The following CWC27 variants were observed in gnomAD, a reference collection of about 807,000 sequenced individuals.
The protein encoded by CWC27 is spliceosome-associated protein CWC27 homolog.
Under a neutral mutation model 63.6 loss-of-function variants are expected in CWC27, and 47 were observed. That is an observed-to-expected ratio of 0.74 (90% CI 0.58 to 0.94). The LOEUF is 0.94. CWC27 is among the 40% of genes least tolerant of loss of function. The pLI is 0.00. For missense variants in CWC27, 495 were observed against 554.3 expected, an observed-to-expected ratio of 0.89 and a Z score of 1.07; for synonymous variants, 175 against 179.8, an observed-to-expected ratio of 0.97 and a Z score of 0.22.
intron 13 of CWC27, among the ~76,000 whole-genome samples, chr5:64,986,917 T>A (rs1233857553): frequency 2.0e-5 from 3 of 152,118 alleles, no homozygotes; most frequent in Non-Finnish European, 4.4e-5. Context: ...CTAAAAAAAA[T>A]CATTTTTTTC....
At chr5:64,830,289 C>T (rs140499190) in intron 10 of CWC27, among the ~76,000 whole-genome samples, 282 of 151,716 alleles carry the variant, frequency 1.9e-3, no homozygotes, top group Middle Eastern at 0.014. Context: ...TCTATCCTTG[C>T]GATAGTTTGA....
At chr5:64,896,022 AGAAT>A (rs1580710634) in intron 11 of CWC27, among the ~76,000 whole-genome samples, 2 of 152,354 alleles carry the variant, frequency 1.3e-5, no homozygotes, top group East Asian at 3.8e-4. Context: ...TCGATTTTAC[AGAAT>A]GAAGTCTCCC....
chr5:64,997,848 T>C (rs1749664615), intron 13 of CWC27, among the ~76,000 whole-genome samples: 1 of 152,162 alleles, frequency 6.6e-6, no homozygotes, highest in African/African-American at 2.4e-5. Context: ...AATGTAAATA[T>C]TTTTATTCCA....
intron 11 of CWC27, among the ~76,000 whole-genome samples, chr5:64,895,545 A>C (rs1453485373): frequency 1.3e-5 from 2 of 152,208 alleles, no homozygotes; most frequent in Non-Finnish European, 2.9e-5. Flanking sequence ...GTCCTCAAGG[A>C]AAGTATAAAA....
intron 7 of CWC27, among the ~76,000 whole-genome samples, chr5:64,791,853 A>AT (rs1242181974): frequency 6.6e-6 from 1 of 151,832 alleles, no homozygotes; most frequent in African/African-American, 2.4e-5. Context: ...TTCCATTGTG[A>AT]TTTTTCATAT....
chr5:64,918,807 C>G (rs1747939617), intron 11 of CWC27, among the ~76,000 whole-genome samples: 1 of 152,136 alleles, frequency 6.6e-6, no homozygotes, highest in Non-Finnish European at 1.5e-5. Context: ...TTGTATGTTA[C>G]TGCTATGTTC....
intron 10 of CWC27, among the ~76,000 whole-genome samples, chr5:64,880,480 T>C (rs532836793): frequency 4.6e-4 from 70 of 152,074 alleles, no homozygotes; most frequent in African/African-American, 1.7e-3. Flanking sequence ...AGGTAACTGA[T>C]TTACAGAACC....
chr5:64,862,782 G>A (rs558579868), intron 10 of CWC27, among the ~76,000 whole-genome samples: 8 of 152,214 alleles, frequency 5.3e-5, no homozygotes, highest in African/African-American at 1.9e-4. Context: ...AACAAGAAAA[G>A]AGAAATTTCT....
intron 13 of CWC27, among the ~76,000 whole-genome samples, chr5:65,017,545 T>A (rs889274964): frequency 6.6e-6 from 1 of 152,222 alleles, no homozygotes; most frequent in Non-Finnish European, 1.5e-5. Context: ...CAGGATTCGT[T>A]AGATTCGTTG....
At chr5:64,829,637 T>G (rs577223412) in intron 10 of CWC27, among the ~76,000 whole-genome samples, 1 of 145,942 alleles carries the variant, frequency 6.9e-6, no homozygotes, top group Admixed American at 6.8e-5. Flanking sequence ...AATACTTTTA[T>G]TCACTTTTTT....
chr5:64,910,872 C>T (rs1018249468), intron 11 of CWC27, among the ~76,000 whole-genome samples: 2 of 152,198 alleles, frequency 1.3e-5, no homozygotes, highest in African/African-American at 4.8e-5. Flanking sequence ...CTTCCCTTAA[C>T]TAAGAAAAGG....
At chr5:64,783,428 A>G (rs1743766381) in intron 3 of CWC27, among the ~76,000 whole-genome samples, 1 of 152,222 alleles carries the variant, frequency 6.6e-6, no homozygotes, top group African/African-American at 2.4e-5. Flanking sequence ...CAATTGTTTA[A>G]TGACATTTAG....
chr5:64,944,925 ACT>A (rs1748558778), intron 11 of CWC27, among the ~76,000 whole-genome samples: 1 of 151,520 alleles, frequency 6.6e-6, no homozygotes, highest in Non-Finnish European at 1.5e-5. Flanking sequence ...TGTCTAGTAG[ACT>A]CTATAAAATC....
intron 13 of CWC27, among the ~76,000 whole-genome samples, chr5:64,998,663 A>G (rs1166722741): frequency 6.6e-6 from 1 of 152,152 alleles, no homozygotes; most frequent in Non-Finnish European, 1.5e-5. Flanking sequence ...GTTCAGAAAC[A>G]GGAGATTTTT....
rs1750085260 is a variant in CWC27 at position 65,018,255 on chromosome 5, T to C, written c.1353T>C (p.Asn451=). Residue 451 remains asparagine, a synonymous_variant, in exon 14 of 14, where the codon AAT becomes AAC. Coordinates refer to ENST00000381070, the MANE Select transcript of CWC27 (RefSeq NM_005869.4). The part of the protein sequence containing the change: ...SDTFEIYDPR[N]PVNKRRREES... ...CATTTGAAATCTATGATCCTCGGAA[T>C]CCAGTGAATAAAAGAAGGAGGGAAG... 1 of 1,607,224 alleles carries C rather than the reference T, an allele frequency of 6.2e-7. No individual in the cohort carries two copies. The highest frequency in any genetic ancestry group is 8.5e-7 in the Non-Finnish European group (1 of 1,177,578).
At chr5:64,865,680 G>A (rs1021917351) in intron 10 of CWC27, among the ~76,000 whole-genome samples, 3 of 151,898 alleles carry the variant, frequency 2.0e-5, no homozygotes, top group Non-Finnish European at 2.9e-5. Flanking sequence ...TAAATCTCTC[G>A]ATTTTTTACT....
chr5:64,774,406 G>C (rs952178428), intron 1 of CWC27, among the ~76,000 whole-genome samples: 1 of 152,004 alleles, frequency 6.6e-6, no homozygotes, highest in Non-Finnish European at 1.5e-5. Flanking sequence ...AGATATTACC[G>C]TTTTCTAAAT....
At chr5:64,977,946 A>G (rs1749258680) in intron 13 of CWC27, among the ~76,000 whole-genome samples, 1 of 152,106 alleles carries the variant, frequency 6.6e-6, no homozygotes, top group Non-Finnish European at 1.5e-5. Context: ...GCTCAGCCAC[A>G]TTGCTGCAAG....
intron 7 of CWC27, among the ~76,000 whole-genome samples, chr5:64,790,598 G>A (rs568181096): frequency 6.6e-6 from 1 of 152,016 alleles, no homozygotes; most frequent in African/African-American, 2.4e-5. Context: ...TTTGCCAGGA[G>A]TATGCTCTCT....
Sources: gnomAD v4.1 joint callset for allele counts (sites outside exome capture counted in the v4.1 genomes callset) on GRCh38, gnomAD v4.1.1 for gene constraint, MANE v1.5 for transcripts, NCBI Gene and HGNC (gene_info 2026-07-23, HGNC 2026-07-21) for gene names.